Variants in SUSD1 observed in about 807,000 individuals in gnomAD.
The protein encoded by SUSD1 is sushi domain containing 1.
In SUSD1, 65 loss-of-function variants were observed where a neutral mutation model predicts 86.9. That is an observed-to-expected ratio of 0.75 (90% CI 0.61 to 0.92). The LOEUF (loss-of-function observed/expected upper bound fraction) is 0.92. Among genes scored for constraint, SUSD1 ranks in the 40% least tolerant of loss-of-function variants. The pLI is 0.00. For missense variants in SUSD1, 850 were observed against 929.7 expected (o/e 0.91, Z 1.11); for synonymous variants, 346 against 350.0 (o/e 0.99, Z 0.13).
intron 5 of SUSD1, among the ~76,000 whole-genome samples, chr9:112,136,415 G>A (rs113333359): frequency 5.9e-4 from 89 of 152,118 alleles, no homozygotes; most frequent in African/African-American, 2.0e-3. Flanking sequence ...ATATGTTTTC[G>A]TAGAGACAAG....
chr9:112,081,573 C>T (rs568014703), intron 10 of SUSD1, among the ~76,000 whole-genome samples: 2 of 152,286 alleles, frequency 1.3e-5, no homozygotes, highest in East Asian at 3.9e-4. Flanking sequence ...ATACAAATAA[C>T]TCCAATAGTA....
chr9:112,061,645 A>G (rs985125592), intron 13 of SUSD1, among the ~76,000 whole-genome samples: 2 of 152,238 alleles, frequency 1.3e-5, no homozygotes, highest in African/African-American at 4.8e-5. Context: ...CCTTCTGGTA[A>G]CTTGTCAAGA....
intron 15 of SUSD1, among the ~76,000 whole-genome samples, chr9:112,043,491 T>C (rs1327894875): frequency 1.3e-5 from 2 of 152,016 alleles, no homozygotes; most frequent in African/African-American, 4.8e-5. Flanking sequence ...ACCCACTAAG[T>C]AATCCTTAAA....
chr9:112,098,565 T>A lies in SUSD1; in HGVS notation c.1379A>T (p.Asp460Val), dbSNP rs370855235. Residue 460 changes from aspartate to valine, a missense_variant, in exon 10 of 17, where the codon GAT becomes GTT. By Grantham distance (152) the Asp-to-Val change is radical (BLOSUM62 -3). Coordinates refer to ENST00000374270, the MANE Select transcript of SUSD1 (RefSeq NM_022486.5). Reference protein sequence around the residue: ...TREQVPVVCLDLYPTTDYTVN... With the variant: ...TREQVPVVCLVLYPTTDYTVN... ...CGTATAATCAGTCGTAGGGTACAGA[T>A]CCAAACACACTACAGGCACTTGTTC... The A allele has an allele frequency of 5.6e-6, 9 of 1,614,130 alleles. No homozygotes were observed. In the Admixed American group the frequency reaches 1.2e-4, roughly 21 times the overall value.
chr9:112,043,569 T>C (rs7034523), intron 15 of SUSD1, among the ~76,000 whole-genome samples: 63,036 of 151,824 alleles, frequency 0.42, 14,965 homozygotes, highest in African/African-American at 0.65. Context: ...CCCATACAGT[T>C]GGCTCTGTGT....
At chr9:112,091,132 G>A (rs1205158157) in intron 10 of SUSD1, among the ~76,000 whole-genome samples, 1 of 151,954 alleles carries the variant, frequency 6.6e-6, no homozygotes, top group African/African-American at 2.4e-5. Context: ...TAAAATATAT[G>A]CCAATTTCTG....
intron 6 of SUSD1, among the ~76,000 whole-genome samples, chr9:112,116,150 C>T (rs545459861): frequency 2.2e-4 from 33 of 152,296 alleles, no homozygotes; most frequent in African/African-American, 4.3e-4. Context: ...CCTTTGTCAT[C>T]GAAGCAGAGA....
intron 10 of SUSD1, among the ~76,000 whole-genome samples, chr9:112,097,355 T>A (rs545595770): frequency 7.9e-4 from 119 of 149,762 alleles, no homozygotes; most frequent in African/African-American, 2.8e-3. Flanking sequence ...CAGCCTCAGG[T>A]GCTACGTGGC....
At chr9:112,108,554 T>C (rs139731376) in intron 8 of SUSD1, among the ~76,000 whole-genome samples, 3 of 151,746 alleles carry the variant, frequency 2.0e-5, no homozygotes, top group African/African-American at 7.3e-5. Flanking sequence ...GAGGCAGGCA[T>C]ATCAATTGAG....
At chr9:112,157,653 A>T (rs1000039010) in intron 1 of SUSD1, 40 bp from the exon 2 acceptor site, 2 of 1,530,180 alleles carry the variant, frequency 1.3e-6, no homozygotes. Context: ...AGAAAAATGC[A>T]AGATGAGACA....
intron 14 of SUSD1, among the ~76,000 whole-genome samples, chr9:112,055,619 A>G (rs1404626836): frequency 6.6e-6 from 1 of 152,226 alleles, no homozygotes; most frequent in African/African-American, 2.4e-5. Flanking sequence ...AAAATTAAAC[A>G]TAGAATTATC....
chr9:112,098,003 C>T (rs1287279909), intron 10 of SUSD1, among the ~76,000 whole-genome samples: 1 of 152,216 alleles, frequency 6.6e-6, no homozygotes, highest in Non-Finnish European at 1.5e-5. Flanking sequence ...TCTAAGGAGC[C>T]TGACCTTAAT....
chr9:112,104,136 C>T (rs1299507739), intron 8 of SUSD1, among the ~76,000 whole-genome samples: 1 of 152,028 alleles, frequency 6.6e-6, no homozygotes. Flanking sequence ...CCACCTCAGC[C>T]TCCTGAGTAG....
At chr9:112,057,620 C>G (rs887393337) in intron 14 of SUSD1, among the ~76,000 whole-genome samples, 1 of 152,204 alleles carries the variant, frequency 6.6e-6, no homozygotes, top group Non-Finnish European at 1.5e-5. Context: ...CTATTGGTTT[C>G]ATAGCAAGCA....
intron 10 of SUSD1, among the ~76,000 whole-genome samples, chr9:112,094,662 T>G (rs1169542241): frequency 6.6e-6 from 1 of 152,132 alleles, no homozygotes; most frequent in African/African-American, 2.4e-5. Flanking sequence ...ACGATAAGAT[T>G]AGGAGGAATG....
intron 1 of SUSD1, chr9:112,169,182 C>T (rs1410107588): frequency 6.6e-6 from 1 of 152,096 alleles, no homozygotes; most frequent in Non-Finnish European, 1.5e-5. Flanking sequence ...GAGCACTCTA[C>T]TCTCTCCAGC....
chr9:112,080,558 T>A (rs978746912), intron 10 of SUSD1, among the ~76,000 whole-genome samples: 4 of 151,906 alleles, frequency 2.6e-5, no homozygotes, highest in Non-Finnish European at 4.4e-5. Context: ...CGTGGTGGTG[T>A]GTGCCTGTAG....
intron 5 of SUSD1, among the ~76,000 whole-genome samples, chr9:112,132,800 A>T (rs1832086885): frequency 6.6e-6 from 1 of 152,190 alleles, no homozygotes; most frequent in Non-Finnish European, 1.5e-5. Flanking sequence ...TGATGGTCTA[A>T]GGAACCTGCG....
At chr9:112,044,347 G>A (rs1056780869) in intron 15 of SUSD1, among the ~76,000 whole-genome samples, 1 of 152,188 alleles carries the variant, frequency 6.6e-6, no homozygotes, top group Non-Finnish European at 1.5e-5. Context: ...GTGACTTTGT[G>A]CAAGTTATTC....
Sources: allele counts gnomAD v4.1 joint callset (sites outside exome capture counted in the v4.1 genomes callset), GRCh38; gene constraint gnomAD v4.1.1; transcripts MANE v1.5; gene names NCBI Gene and HGNC (gene_info 2026-07-23, HGNC 2026-07-21).